GLB1: variants seen among roughly 807,000 people sequenced by gnomAD.
GLB1 encodes beta-galactosidase.
A neutral mutation model predicts 74.0 loss-of-function variants in GLB1; 56 were observed. The ratio of observed to expected loss-of-function variants is 0.76; its 90% CI spans 0.61 to 0.94. The LOEUF (loss-of-function observed/expected upper bound fraction) is 0.94. Among genes scored for constraint, GLB1 ranks in the 40% least tolerant of loss-of-function variants. GLB1 has a pLI of 0.00. For missense variants in GLB1, 787 were observed against 845.5 expected (o/e 0.93, Z 0.86); for synonymous variants, 323 against 323.6 (o/e 1.00, Z 0.02).
chr3:33,022,942 T>C (rs907984234), intron 11 of GLB1, among the ~76,000 whole-genome samples: 1 of 152,186 alleles, frequency 6.6e-6, no homozygotes, highest in African/African-American at 2.4e-5. Flanking sequence ...TACAATTTCA[T>C]CAAGCCAGCT....
At chr3:32,968,766 G>A in the GLB1 span, among the ~76,000 whole-genome samples, 6 of 152,194 alleles carry the variant, frequency 3.9e-5, no homozygotes, top group African/African-American at 1.4e-4. Context: ...AGGACCGCCA[G>A]ATCTAACTAA....
intron 5 of GLB1, among the ~76,000 whole-genome samples, chr3:33,059,512 A>T (rs1699359861): frequency 6.6e-6 from 1 of 152,260 alleles, no homozygotes; most frequent in African/African-American, 2.4e-5. Flanking sequence ...ATGACACTGA[A>T]AAATACATAC....
intron 10 of GLB1, among the ~76,000 whole-genome samples, chr3:33,031,674 T>TATAA (rs1449068382): frequency 2.7e-5 from 3 of 113,088 alleles, no homozygotes; most frequent in Non-Finnish European, 5.3e-5. Context: ...TATATATATA[T>TATAA]AATCTCCACT....
chr3:33,029,046 CTG>C (rs1207476804), intron 10 of GLB1, among the ~76,000 whole-genome samples: 1 of 152,144 alleles, frequency 6.6e-6, no homozygotes, highest in Non-Finnish European at 1.5e-5. Flanking sequence ...AAGCTTTCAT[CTG>C]TCTATCCCAT....
Position 32,997,148 on chromosome 3 carries a change from A to G in GLB1, c.1931T>C (p.Ile644Thr), listed in dbSNP as rs760783370. The G allele has an allele frequency of 5.6e-6, 9 of 1,614,166 alleles. No homozygotes were observed. The highest frequency in any genetic ancestry group is 4.2e-6 in the Non-Finnish European group (5 of 1,180,036). ...ATGATCGTAGGTCACAGATGAGCCA[A>G]TAACTGGCCTGTCCACGAACGTCAC... ...CAVTFVDRPV[I>T]GSSVTYDHPS... The change falls in exon 16 of 16, where the codon ATT (isoleucine) becomes ACT (threonine). Residue 644 changes from isoleucine (I) to threonine (T), a missense_variant. By Grantham distance (89) the Ile-to-Thr change is moderately conservative (BLOSUM62 -1). Coordinates refer to ENST00000307363, the MANE Select transcript of GLB1 (RefSeq NM_000404.4).
chr3:33,051,350 A>G (rs1439563472), intron 9 of GLB1, among the ~76,000 whole-genome samples: 1 of 151,812 alleles, frequency 6.6e-6, no homozygotes, highest in Non-Finnish European at 1.5e-5. Flanking sequence ...TAATCCTAGC[A>G]TTTTGGGAGG....
At chr3:33,074,373 G>GA (rs1559412887) in intron 1 of GLB1, among the ~76,000 whole-genome samples, 3 of 6,608 alleles carry the variant, frequency 4.5e-4, no homozygotes, top group Non-Finnish European at 7.0e-4. Flanking sequence ...AGGAAGGAAG[G>GA]AAGGAAGGAA....
At chr3:32,982,129 C>T in the GLB1 span, among the ~76,000 whole-genome samples, 4 of 151,974 alleles carry the variant, frequency 2.6e-5, no homozygotes, top group African/African-American at 9.7e-5. Context: ...GCTTGACCAA[C>T]ATGGAGAAAC....
At chr3:33,020,185 G>A (rs1697409433) in intron 12 of GLB1, among the ~76,000 whole-genome samples, 2 of 152,202 alleles carry the variant, frequency 1.3e-5, no homozygotes, top group African/African-American at 2.4e-5. Context: ...GTGAATGTGT[G>A]TGTGGTGGGG....
At chr3:32,966,211 G>C in the GLB1 span, among the ~76,000 whole-genome samples, 1 of 152,204 alleles carries the variant, frequency 6.6e-6, no homozygotes, top group Non-Finnish European at 1.5e-5. Flanking sequence ...GTGTCAGCCC[G>C]TTAAACCAGC....
rs1297904248 is a variant in GLB1 at position 32,997,090 on chromosome 3, G to C, written c.1989C>G (p.Pro663=). 6.2e-7 allele frequency: 1 copy of C among 1,613,962 alleles called. No individual in the cohort carries two copies. The highest frequency in any genetic ancestry group is 8.5e-7 in the Non-Finnish European group (1 of 1,180,024). ...AATCTTTGTTTTTTTGCGGGGGTGG[G>C]GGCATGAGTCTTTTTTCAACAGGTT... The part of the protein sequence containing the change: ...PSKPVEKRLM[P]PPPQKNKDSW... Residue 663 remains proline (P), a synonymous_variant, in exon 16 of 16, where the codon CCC becomes CCG. Coordinates refer to ENST00000307363, the MANE Select transcript of GLB1 (RefSeq NM_000404.4).
intron 5 of GLB1, among the ~76,000 whole-genome samples, chr3:33,062,659 G>A (rs759384765): frequency 6.6e-6 from 1 of 152,058 alleles, no homozygotes; most frequent in African/African-American, 2.4e-5. Context: ...GTGGTTGCCC[G>A]CACCTGTAGT....
At chr3:32,982,875 T>C in the GLB1 span, among the ~76,000 whole-genome samples, 2 of 152,312 alleles carry the variant, frequency 1.3e-5, no homozygotes, top group East Asian at 3.9e-4. Flanking sequence ...TTTCACTGGA[T>C]ATGGAATTCT....
the GLB1 span, among the ~76,000 whole-genome samples, chr3:32,989,301 A>G: frequency 1.3e-4 from 20 of 152,320 alleles, no homozygotes; most frequent in South Asian, 4.1e-3. Context: ...ACCGAGAGTC[A>G]TCATTTGCCT....
the GLB1 span, among the ~76,000 whole-genome samples, chr3:32,968,602 G>A: frequency 5.3e-5 from 8 of 152,148 alleles, no homozygotes; most frequent in African/African-American, 1.9e-4. Flanking sequence ...GGGCAGCAAG[G>A]TTCTGCTGCA....
chr3:33,004,669 A>G (rs1369508213), intron 15 of GLB1, among the ~76,000 whole-genome samples: 2 of 152,208 alleles, frequency 1.3e-5, no homozygotes, highest in African/African-American at 2.4e-5. Context: ...TAGCCAGCAC[A>G]TGGTAAGCTC....
chr3:32,983,827 C>T, the GLB1 span, among the ~76,000 whole-genome samples: 2 of 151,530 alleles, frequency 1.3e-5, no homozygotes, highest in African/African-American at 2.4e-5. Context: ...TACAGATGCA[C>T]CACTACCAAG....
At chr3:32,994,919 T>G (rs1464205033), downstream of GLB1, among the ~76,000 whole-genome samples, 2 of 80,394 alleles carry the variant, frequency 2.5e-5, no homozygotes, top group Admixed American at 1.3e-4. Flanking sequence ...AGACTCTGTT[T>G]CAAAAAAAAA....
At chr3:33,031,625 A>AT (rs1255419908) in intron 10 of GLB1, among the ~76,000 whole-genome samples, 5 of 71,308 alleles carry the variant, frequency 7.0e-5, no homozygotes, top group African/African-American at 2.5e-4. Context: ...AAAAAAAAAA[A>AT]AAAAAAAAAA....
Sources: allele counts gnomAD v4.1 joint callset (sites outside exome capture counted in the v4.1 genomes callset), GRCh38; gene constraint gnomAD v4.1.1; transcripts MANE v1.5; gene names NCBI Gene and HGNC (gene_info 2026-07-23, HGNC 2026-07-21).